IQCM: variants seen among roughly 807,000 people sequenced by gnomAD.
The protein encoded by IQCM is IQ domain-containing protein M.
Under a neutral mutation model 57.6 loss-of-function variants are expected in IQCM, and 45 were observed. The ratio of observed to expected loss-of-function variants is 0.78; its 90% CI spans 0.62 to 1.00. The LOEUF (loss-of-function observed/expected upper bound fraction) is 1.00. IQCM is among the 50% of genes least tolerant of loss of function. IQCM has a pLI of 0.00. For synonymous variants in IQCM, 148 were observed against 158.9 expected (o/e 0.93, Z 0.51); for missense variants, 468 against 511.6 (o/e 0.91, Z 0.82).
intron 8 of IQCM, 40 bp downstream of exon 8, chr4:149,621,089 A>G: frequency 1.1e-6 from 1 of 944,916 alleles, no homozygotes; most frequent in Non-Finnish European, 1.4e-6. Context: ...TACTGGAAAA[A>G]TGGCAATTCA....
intron 3 of IQCM, among the ~76,000 whole-genome samples, chr4:149,736,128 T>C (rs1465288308): frequency 1.3e-5 from 2 of 150,168 alleles, no homozygotes; most frequent in African/African-American, 5.0e-5. Flanking sequence ...TTGTACTTAT[T>C]GTAGAGATGG....
intron 5 of IQCM, among the ~76,000 whole-genome samples, chr4:149,695,075 G>A (rs1288787155): frequency 3.3e-5 from 5 of 152,128 alleles, no homozygotes; most frequent in Admixed American, 3.3e-4. Context: ...TGTGTGGGCT[G>A]GGTAGATGTC....
At chr4:149,575,806 C>T (rs1503705) in intron 9 of IQCM, among the ~76,000 whole-genome samples, 147,472 of 151,880 alleles carry the variant, frequency 0.97, 71,710 homozygotes, top group East Asian at 1. Flanking sequence ...GCTTAAGGCA[C>T]TCACTATGGG....
At chr4:149,452,672 C>G (rs1278502212) in intron 12 of IQCM, among the ~76,000 whole-genome samples, 1 of 151,536 alleles carries the variant, frequency 6.6e-6, no homozygotes, top group Non-Finnish European at 1.5e-5. Context: ...ATGAAACTAT[C>G]ACCATCATCA....
chr4:149,410,324 A>G (rs1479679317), intron 13 of IQCM, among the ~76,000 whole-genome samples: 1 of 152,094 alleles, frequency 6.6e-6, no homozygotes, highest in East Asian at 1.9e-4. Flanking sequence ...ATATTTATAG[A>G]CCATATTTAT....
intron 12 of IQCM, among the ~76,000 whole-genome samples, chr4:149,518,676 G>C (rs1745251729): frequency 6.6e-6 from 1 of 152,140 alleles, no homozygotes; most frequent in African/African-American, 2.4e-5. Context: ...TGAAACAAGT[G>C]GAAAGAATCA....
chr4:149,781,273 T>C (rs915350557), intron 2 of IQCM, among the ~76,000 whole-genome samples: 1 of 152,184 alleles, frequency 6.6e-6, no homozygotes, highest in Non-Finnish European at 1.5e-5. Context: ...GGTCCAAAAA[T>C]ATTAAACAGA....
At chr4:149,575,233 C>T (rs1751519613) in intron 9 of IQCM, among the ~76,000 whole-genome samples, 1 of 151,852 alleles carries the variant, frequency 6.6e-6, no homozygotes, top group Admixed American at 6.6e-5. Context: ...CTACTTTAAA[C>T]CCCTAAATGA....
intron 10 of IQCM, among the ~76,000 whole-genome samples, chr4:149,555,344 C>T (rs1024105856): frequency 1.3e-5 from 2 of 152,000 alleles, no homozygotes; most frequent in African/African-American, 2.4e-5. Flanking sequence ...GTGCTCATGA[C>T]TCATACCTCT....
In IQCM at chr4:149,588,037, C is replaced by T. The variant is rs563153681; in HGVS notation, c.682-40G>A. On this transcript the variant is annotated intron_variant, in intron 8 of 13. Transcript: ENST00000636793. The stretch of plus-strand genomic sequence containing the variant: ...AGAAGAGTTGACATAAGTAGAAAAA[C>T]AATGTTATCACCTATAAAATTTTAA... 3.4e-6 allele frequency: 3 copies of T among 893,030 alleles called. No homozygotes were observed. In the South Asian group the frequency reaches 1.7e-4, roughly 51 times the overall value. 55.3% of individuals were successfully genotyped at this position (893,030 alleles called of 1,614,324 possible). A position where few individuals can be genotyped will look rare whatever the true frequency, so the allele number is the denominator to read the frequency against.
chr4:149,810,940 C>G (rs1004601446), intron 2 of IQCM, among the ~76,000 whole-genome samples: 1 of 152,046 alleles, frequency 6.6e-6, no homozygotes, highest in Non-Finnish European at 1.5e-5. Flanking sequence ...ATTAAACACT[C>G]GAAGTAGTAG....
chr4:149,523,867 C>T (rs937405064), intron 12 of IQCM, among the ~76,000 whole-genome samples: 2 of 152,004 alleles, frequency 1.3e-5, no homozygotes, highest in African/African-American at 4.8e-5. Context: ...ACTTTCTCTG[C>T]AAAACCAAAG....
chr4:149,705,258 A>G (rs1024338662), intron 5 of IQCM, among the ~76,000 whole-genome samples: 2 of 148,154 alleles, frequency 1.3e-5, no homozygotes, highest in African/African-American at 2.4e-5. Flanking sequence ...ATTTATAAAA[A>G]TATATAAAAA....
chr4:149,810,364 A>G (rs1283341985), intron 2 of IQCM, among the ~76,000 whole-genome samples: 2 of 64,884 alleles, frequency 3.1e-5, no homozygotes, highest in Non-Finnish European at 4.6e-5. Context: ...ACCATCTCCA[A>G]AAAAAAAAAA....
At chr4:149,557,740 C>T (rs1011244661) in intron 10 of IQCM, among the ~76,000 whole-genome samples, 1 of 152,184 alleles carries the variant, frequency 6.6e-6, no homozygotes, top group Non-Finnish European at 1.5e-5. Context: ...TGTTTCCTCT[C>T]ACTTAACGCT....
At chr4:149,522,776 G>T (rs567835803) in intron 12 of IQCM, among the ~76,000 whole-genome samples, 286 of 152,250 alleles carry the variant, frequency 1.9e-3, no homozygotes, top group African/African-American at 6.7e-3. Context: ...TATATTGCTT[G>T]AATTAATCCA....
intron 13 of IQCM, among the ~76,000 whole-genome samples, chr4:149,428,627 T>C (rs1734615876): frequency 6.6e-6 from 1 of 151,840 alleles, no homozygotes; most frequent in Non-Finnish European, 1.5e-5. Flanking sequence ...TCACCAAAAA[T>C]CAGCCTTGAC....
chr4:149,501,688 T>A (rs546399442), intron 12 of IQCM, among the ~76,000 whole-genome samples: 2 of 152,234 alleles, frequency 1.3e-5, no homozygotes, highest in African/African-American at 4.8e-5. Context: ...CTAAGAAACA[T>A]TAGAAACATC....
At chr4:149,546,888 C>A (rs542265365) in intron 12 of IQCM, among the ~76,000 whole-genome samples, 1 of 152,094 alleles carries the variant, frequency 6.6e-6, no homozygotes, top group South Asian at 2.1e-4. Context: ...GACATGAAGT[C>A]CTTGCCCATG....
Sources: allele counts gnomAD v4.1 joint callset (sites outside exome capture counted in the v4.1 genomes callset), GRCh38; gene constraint gnomAD v4.1.1; transcripts MANE v1.5; gene names NCBI Gene and HGNC (gene_info 2026-07-23, HGNC 2026-07-21).